The following FNDC1 variants were observed in gnomAD, a reference collection of about 807,000 sequenced individuals.
The protein encoded by FNDC1 is fibronectin type III domain containing 1, also known as fibronectin type III domain-containing protein 1.
In FNDC1, 96 loss-of-function variants were observed where a neutral mutation model predicts 168.0. That is an observed-to-expected ratio of 0.57 (90% CI 0.48 to 0.68). FNDC1 has a LOEUF of 0.68. FNDC1 is among the 30% of genes least tolerant of loss of function. The pLI is 0.00. For missense variants in FNDC1, 2,587 were observed against 2,482.1 expected (o/e 1.04, Z -0.90); for synonymous variants, 1,099 against 1,025.9 (o/e 1.07, Z -1.36).
chr6:159,206,015 T>C (rs1305298407), intron 4 of FNDC1, among the ~76,000 whole-genome samples: 2 of 152,222 alleles, frequency 1.3e-5, no homozygotes, highest in Non-Finnish European at 2.9e-5. Flanking sequence ...CTCCCCTCTG[T>C]TTGCAATGGT....
chr6:159,212,893 G>A (rs1024042444), intron 4 of FNDC1, among the ~76,000 whole-genome samples: 3 of 152,176 alleles, frequency 2.0e-5, no homozygotes, highest in African/African-American at 7.2e-5. Context: ...CATGGAAAGG[G>A]GATGAAACTG....
intron 14 of FNDC1, among the ~76,000 whole-genome samples, chr6:159,242,527 G>A (rs904439786): frequency 1.3e-5 from 2 of 152,128 alleles, no homozygotes; most frequent in Non-Finnish European, 2.9e-5. Context: ...TTTTAAAAAT[G>A]TATTAATACT....
At position 159,251,150 on chromosome 6, in the gene FNDC1, G is replaced by T. The variant is rs899691773; in HGVS notation, c.4835-152G>T. Among the ~76,000 whole-genome samples the T allele has an allele frequency of 3.3e-5, 5 of 152,194 alleles. No homozygotes were observed. In the South Asian group the frequency reaches 8.3e-4, roughly 25 times the overall value. The stretch of plus-strand genomic sequence containing the variant: ...ATGGATCCATCAAGGAGAGCTGGGG[G>T]TGTGTTTCTGAGCTTGGCATCAAGG... On this transcript the variant is annotated intron_variant, in intron 16 of 22. Transcript: ENST00000297267.
At chr6:159,251,005 G>A (rs1777246358) in intron 16 of FNDC1, among the ~76,000 whole-genome samples, 1 of 152,226 alleles carries the variant, frequency 6.6e-6, no homozygotes, top group African/African-American at 2.4e-5. Flanking sequence ...GCGAGCTGCA[G>A]GCTTATATTA....
intron 14 of FNDC1, among the ~76,000 whole-genome samples, chr6:159,245,817 C>T (rs1783528656): frequency 3.1e-4 from 1 of 3,258 alleles, no homozygotes; most frequent in South Asian, 8.5e-3. Context: ...GGCTTGATCT[C>T]GGCTCACTGC....
chr6:159,266,424 A>T (rs1283151806), intron 21 of FNDC1, among the ~76,000 whole-genome samples, 179 bp downstream of exon 21: 1 of 152,156 alleles, frequency 6.6e-6, no homozygotes, highest in Non-Finnish European at 1.5e-5. Context: ...TAGTTTTTAC[A>T]CTGGCAACCC....
chr6:159,252,314 T>C (rs1234378654), intron 17 of FNDC1, among the ~76,000 whole-genome samples: 1 of 151,994 alleles, frequency 6.6e-6, no homozygotes, highest in East Asian at 1.9e-4. Context: ...GCATTAGAGG[T>C]CAGAGTTTGA....
intron 4 of FNDC1, among the ~76,000 whole-genome samples, chr6:159,210,129 G>T (rs986923071): frequency 3.9e-5 from 6 of 152,202 alleles, no homozygotes; most frequent in Non-Finnish European, 8.8e-5. Context: ...TCTTGCCAGG[G>T]CGTCCTGGTG....
chr6:159,183,874 G>A (rs556405240), intron 1 of FNDC1, among the ~76,000 whole-genome samples: 26 of 152,326 alleles, frequency 1.7e-4, no homozygotes, highest in East Asian at 5.8e-4. Flanking sequence ...TTCAGGGCAC[G>A]AGCTCATGTG....
At chr6:159,214,853 G>A (rs1301754926) in intron 4 of FNDC1, 92 bp from the exon 5 acceptor site, 3 of 1,060,088 alleles carry the variant, frequency 2.8e-6, no homozygotes, top group African/African-American at 3.1e-5. Flanking sequence ...GCAGCTAATT[G>A]TTGAGGCTCA....
intron 2 of FNDC1, among the ~76,000 whole-genome samples, chr6:159,199,100 C>G (rs772224404): frequency 5.9e-5 from 9 of 152,232 alleles, no homozygotes; most frequent in Non-Finnish European, 1.3e-4. Context: ...TAACCCTCAC[C>G]TCTCCAGCTC....
At chr6:159,185,168 A>T (rs1781969724) in intron 1 of FNDC1, among the ~76,000 whole-genome samples, 1 of 151,918 alleles carries the variant, frequency 6.6e-6, no homozygotes, top group African/African-American at 2.4e-5. Context: ...AATCCTAATG[A>T]TTGAATTCAG....
rs775301335 is a variant in FNDC1, at chr6:159,200,526, C to T, written c.405C>T (p.Ile135=). The part of the protein sequence containing the change: ...RAESPPGGEW[I]EIDGFPIKGP... ...TCCCTAATTTAGGAGGTGAATGGAT[C>T]GAGATTGATGGTTTTCCCATTAAGG... Residue 135 remains isoleucine, a synonymous_variant, in exon 4 of 23, where the codon ATC becomes ATT. Coordinates refer to ENST00000297267, the MANE Select transcript of FNDC1 (RefSeq NM_032532.3). The T allele has an allele frequency of 1.7e-5, 27 of 1,599,244 alleles. No individual in the cohort carries two copies. Among genetic ancestry groups the T allele is most frequent in the Admixed American group, 1.5e-4 (9 of 58,246 alleles).
At chr6:159,226,369 A>T in intron 8 of FNDC1, 104 bp from the exon 9 acceptor site, 2 of 782,894 alleles carry the variant, frequency 2.6e-6, no homozygotes, top group South Asian at 1.9e-5. Flanking sequence ...TTAACACAGT[A>T]GGTCTTCAAT....
chr6:159,215,552 A>G (rs1432865019), intron 5 of FNDC1, among the ~76,000 whole-genome samples: 1 of 152,240 alleles, frequency 6.6e-6, no homozygotes, highest in East Asian at 1.9e-4. Flanking sequence ...TAGCCGAGTG[A>G]AACTGCAAGT....
At chr6:159,224,749 T>G (rs775349615) in intron 7 of FNDC1, among the ~76,000 whole-genome samples, 3 of 152,210 alleles carry the variant, frequency 2.0e-5, no homozygotes, top group Admixed American at 6.5e-5. Flanking sequence ...AAATCTTCTC[T>G]TAACATATTC....
chr6:159,200,457 G>A, intron 3 of FNDC1, 56 bp from the exon 4 acceptor site: 1 of 1,339,534 alleles, frequency 7.5e-7, no homozygotes, highest in Non-Finnish European at 1.0e-6. Context: ...GCACTGTAAT[G>A]TGGAAAACCC....
chr6:159,180,937 A>G (rs1781865186), intron 1 of FNDC1, among the ~76,000 whole-genome samples: 1 of 152,142 alleles, frequency 6.6e-6, no homozygotes, highest in Non-Finnish European at 1.5e-5. Context: ...TGCTGCAATG[A>G]ACATACGTGT....
intron 10 of FNDC1, among the ~76,000 whole-genome samples, chr6:159,230,639 T>C (rs481899): frequency 0.38 from 58,406 of 152,162 alleles, 14,334 homozygotes; most frequent in East Asian, 0.73. Context: ...CTGATCGATA[T>C]CCAAACCAAA....
Sources: allele counts gnomAD v4.1 joint callset (sites outside exome capture counted in the v4.1 genomes callset), GRCh38; gene constraint gnomAD v4.1.1; transcripts MANE v1.5; gene names NCBI Gene and HGNC (gene_info 2026-07-23, HGNC 2026-07-21).